Variants in CSMD3 observed in about 807,000 individuals in gnomAD.
CSMD3 encodes CUB and sushi domain-containing protein 3.
A neutral mutation model predicts 435.2 loss-of-function variants in CSMD3; 177 were observed. That is an observed-to-expected ratio of 0.41 (90% CI 0.36 to 0.46). The LOEUF is 0.46. CSMD3 is among the 20% of genes least tolerant of loss of function. CSMD3 has a pLI of 0.34. For synonymous variants in CSMD3, 1,656 were observed against 1,520.5 expected, an observed-to-expected ratio of 1.09 and a Z score of -2.07; for missense variants, 4,265 against 4,504.6, an observed-to-expected ratio of 0.95 and a Z score of 1.52.
intron 5 of CSMD3, among the ~76,000 whole-genome samples, chr8:113,073,971 T>C (rs927579137): frequency 2.6e-5 from 4 of 151,814 alleles, no homozygotes; most frequent in Non-Finnish European, 5.9e-5. Context: ...TGCGTACATG[T>C]CTCTCTGAAT....
rs1831878377 is a variant in CSMD3 at position 112,406,560 on chromosome 8, A to T, written c.5773T>A (p.Leu1925Met). 6.2e-7 allele frequency: 1 copy of T among 1,611,884 alleles called. No individual in the cohort carries two copies. Among genetic ancestry groups the T allele is most frequent in the African/African-American group, 1.3e-5 (1 of 74,854 alleles). The change falls in exon 35 of 71, where the codon TTG becomes ATG. Residue 1925 changes from leucine to methionine, a missense_variant. Physicochemically the swap from Leu to Met is conservative, Grantham distance 15. Around this residue, in one of 3 missense-constraint regions of CSMD3, gnomAD observed 3,255 missense variants for 3,380.2 expected, o/e 0.96. Coordinates refer to ENST00000297405, the MANE Select transcript of CSMD3 (RefSeq NM_198123.2). ...GGTAAGGAATCATTCCACTGGGCCA[A>T]AGAATTGGGCACTGTTTCACACCTA... ...AIRCETVPNS[L>M]AQWNDSLPTC...
chr8:113,039,091 C>T (rs887070725), intron 5 of CSMD3, among the ~76,000 whole-genome samples: 11 of 151,890 alleles, frequency 7.2e-5, no homozygotes, highest in Non-Finnish European at 1.0e-4. Context: ...TTGAATTACA[C>T]GTTTACTGAA....
At chr8:112,325,751 CTT>C (rs1052353898) in intron 45 of CSMD3, among the ~76,000 whole-genome samples, 11 of 151,996 alleles carry the variant, frequency 7.2e-5, no homozygotes, top group African/African-American at 1.9e-4. Context: ...AGTCTAGACT[CTT>C]TGGCTCTTTG....
intron 1 of CSMD3, among the ~76,000 whole-genome samples, chr8:113,334,297 A>ATTTTTTTTTT (rs2094052880): frequency 7.9e-6 from 1 of 126,280 alleles, no homozygotes; most frequent in Non-Finnish European, 1.6e-5. Flanking sequence ...TTTTTTTTTC[A>ATTTTTTTTTT]TTTCCAGCCT....
In CSMD3 at chr8:112,336,636, A is replaced by C. The variant is rs1177215179; in HGVS notation, c.7019+16T>G. 1 of 1,568,008 alleles carries C rather than the reference A, an allele frequency of 6.4e-7. No individual in the cohort carries two copies. The highest frequency in any genetic ancestry group is 1.1e-5 in the South Asian group (1 of 90,128). On this transcript the variant is annotated intron_variant, in intron 44 of 70. Coordinates refer to ENST00000297405, the MANE Select transcript of CSMD3 (RefSeq NM_198123.2). ...GTATATAATTGAATAAATCAATAAC[A>C]ATAGTCCTGACTTACCATACAGTAA...
At chr8:112,535,252 G>C (rs1470313702) in intron 27 of CSMD3, among the ~76,000 whole-genome samples, 1 of 152,038 alleles carries the variant, frequency 6.6e-6, no homozygotes, top group Non-Finnish European at 1.5e-5. Context: ...CAGATGACAT[G>C]ATTGTATATC....
intron 32 of CSMD3, among the ~76,000 whole-genome samples, chr8:112,429,261 T>A (rs576754914): frequency 6.1e-4 from 93 of 152,184 alleles, no homozygotes; most frequent in Middle Eastern, 3.4e-3. Context: ...AAATTGACGT[T>A]TTTAGATCCC....
intron 27 of CSMD3, among the ~76,000 whole-genome samples, chr8:112,525,292 A>G (rs1388763665): frequency 1.3e-5 from 2 of 150,536 alleles, no homozygotes; most frequent in Non-Finnish European, 3.0e-5. Flanking sequence ...TGAAATATTT[A>G]TCTACAAGCT....
chr8:113,005,294 T>A (rs1360866315), intron 6 of CSMD3, among the ~76,000 whole-genome samples: 1 of 151,988 alleles, frequency 6.6e-6, no homozygotes, highest in Non-Finnish European at 1.5e-5. Context: ...CTAGGATTTT[T>A]ATAAAAATAA....
intron 11 of CSMD3, among the ~76,000 whole-genome samples, chr8:112,839,268 T>C (rs887329181): frequency 6.6e-6 from 1 of 151,748 alleles, no homozygotes; most frequent in African/African-American, 2.4e-5. Flanking sequence ...TTTCTATGCC[T>C]TTAATATCTG....
chr8:112,680,823 A>G (rs758907807), intron 16 of CSMD3, among the ~76,000 whole-genome samples: 4 of 152,178 alleles, frequency 2.6e-5, no homozygotes, highest in Admixed American at 6.5e-5. Context: ...TAATGCTTCA[A>G]TTAAATTTGT....
chr8:112,697,366 G>T (rs1427785499), intron 13 of CSMD3, among the ~76,000 whole-genome samples: 2 of 152,192 alleles, frequency 1.3e-5, no homozygotes, highest in East Asian at 3.9e-4. Flanking sequence ...AGAAAATGTG[G>T]CACATATACA....
chr8:113,184,841 A>G (rs1160669584), intron 3 of CSMD3, among the ~76,000 whole-genome samples: 4 of 151,960 alleles, frequency 2.6e-5, no homozygotes, highest in Non-Finnish European at 5.9e-5. Flanking sequence ...CTAGCTCTGA[A>G]TCTCCTTCAA....
intron 22 of CSMD3, among the ~76,000 whole-genome samples, chr8:112,618,635 A>G (rs1347840203): frequency 6.6e-6 from 1 of 151,082 alleles, no homozygotes; most frequent in Non-Finnish European, 1.5e-5. Flanking sequence ...ACCATCATGG[A>G]GTATAGACAC....
chr8:112,737,933 G>C (rs1051474412), intron 13 of CSMD3, among the ~76,000 whole-genome samples: 2 of 151,786 alleles, frequency 1.3e-5, no homozygotes, highest in Non-Finnish European at 2.9e-5. Flanking sequence ...AGTGTCCCAA[G>C]TAGATTATTT....
chr8:112,989,877 T>A (rs945077583), intron 6 of CSMD3, among the ~76,000 whole-genome samples: 1 of 151,996 alleles, frequency 6.6e-6, no homozygotes, highest in Non-Finnish European at 1.5e-5. Flanking sequence ...ATTGGAATAA[T>A]CCTCATATGT....
At chr8:112,736,262 G>T (rs193057020) in intron 13 of CSMD3, among the ~76,000 whole-genome samples, 1 of 152,094 alleles carries the variant, frequency 6.6e-6, no homozygotes. Flanking sequence ...AGTAGAGTTA[G>T]TTTTCTGGGT....
intron 3 of CSMD3, among the ~76,000 whole-genome samples, chr8:113,199,974 A>G (rs1267458493): frequency 6.6e-6 from 1 of 151,838 alleles, no homozygotes; most frequent in African/African-American, 2.4e-5. Context: ...GATAACTCTC[A>G]CAATTATCTC....
At chr8:113,137,332 T>A (rs2091441564) in intron 4 of CSMD3, among the ~76,000 whole-genome samples, 1 of 151,726 alleles carries the variant, frequency 6.6e-6, no homozygotes, top group Non-Finnish European at 1.5e-5. Context: ...TAATATCCTG[T>A]TTTATCACTT....
Sources: gnomAD v4.1 joint callset for allele counts (sites outside exome capture counted in the v4.1 genomes callset) on GRCh38, gnomAD v4.1.1 for gene constraint, gnomAD v4.1.1 regional missense constraint, MANE v1.5 for transcripts, NCBI Gene and HGNC (gene_info 2026-07-23, HGNC 2026-07-21) for gene names.